CCDC33: variants seen among roughly 807,000 people sequenced by gnomAD.
CCDC33 encodes the protein coiled-coil domain containing 33, also known as coiled-coil domain-containing protein 33.
A neutral mutation model predicts 91.9 loss-of-function variants in CCDC33; 94 were observed. The observed-to-expected ratio is 1.02, with a 90% CI of 0.87 to 1.21. The LOEUF is 1.21. CCDC33 is among the 50% of genes most tolerant of loss of function. The pLI is 0.00. For synonymous variants in CCDC33, 396 were observed against 374.5 expected (o/e 1.06, Z -0.66); for missense variants, 940 against 935.5 (o/e 1.00, Z -0.06).
intron 13 of CCDC33, 112 bp downstream of exon 13, chr15:74,330,863 G>C: frequency 6.6e-7 from 1 of 1,511,046 alleles, no homozygotes; most frequent in South Asian, 1.2e-5. Flanking sequence ...TGGAAGCACG[G>C]AAGAAAGGGG....
chr15:74,313,482 G>C (rs192306441), intron 11 of CCDC33, among the ~76,000 whole-genome samples: 1 of 137,990 alleles, frequency 7.2e-6, no homozygotes, highest in East Asian at 2.2e-4. Context: ...ACAGTGGCGC[G>C]ATCTCAGCTC....
chr15:74,211,549 C>T (rs1032391400), intron 2 of CCDC33, among the ~76,000 whole-genome samples: 9 of 152,070 alleles, frequency 5.9e-5, no homozygotes, highest in Non-Finnish European at 1.5e-5. Context: ...TACAGGCATG[C>T]ACCACCATGC....
chr15:74,219,062 G>A (rs187171826), intron 2 of CCDC33, among the ~76,000 whole-genome samples: 3 of 152,340 alleles, frequency 2.0e-5, no homozygotes, highest in Non-Finnish European at 4.4e-5. Flanking sequence ...GACAGAAAAT[G>A]GGGCAAAGGC....
At chr15:74,332,545 T>G in intron 15 of CCDC33, 134 bp from the exon 16 acceptor site, 2 of 857,280 alleles carry the variant, frequency 2.3e-6, no homozygotes, top group Non-Finnish European at 3.7e-6. Context: ...ATCCCACTGG[T>G]GGTAGGGAGC....
At chr15:74,284,291 A>G (rs1479141766) in intron 10 of CCDC33, among the ~76,000 whole-genome samples, 1 of 152,236 alleles carries the variant, frequency 6.6e-6, no homozygotes, top group Non-Finnish European at 1.5e-5. Context: ...GTTGGCAGCC[A>G]TGGACCTCAT....
intron 11 of CCDC33, among the ~76,000 whole-genome samples, chr15:74,308,144 G>A (rs2059925376): frequency 6.6e-6 from 1 of 152,096 alleles, no homozygotes; most frequent in Non-Finnish European, 1.5e-5. Flanking sequence ...CCCCGAAGAG[G>A]GCCAAAGCAG....
In CCDC33 at chr15:74,295,831, G is replaced by A. The variant is rs1192693688; in HGVS notation, c.1173G>A (p.Leu391=). ...TLDPKILDKK[L]RTIQESWSKD... ...ACCCCAAGATCCTGGATAAGAAGCT[G>A]AGAACCATCCAAGAGTCCTGGTCCA... The change falls in exon 11 of 19, where the codon CTG becomes CTA. Residue 391 remains leucine, a synonymous_variant. Transcript: ENST00000398814. 3.7e-6 allele frequency: 6 copies of A among 1,614,170 alleles called. No homozygotes were observed. In the South Asian group the frequency reaches 5.5e-5, roughly 15 times the overall value.
chr15:74,229,262 G>A (rs1038460608), intron 2 of CCDC33, among the ~76,000 whole-genome samples: 16 of 152,188 alleles, frequency 1.1e-4, no homozygotes, highest in Admixed American at 6.5e-5. Flanking sequence ...GGAGACCGAG[G>A]CAGGCAGAAC....
chr15:74,235,924 A>C (rs959888562), upstream of CCDC33, among the ~76,000 whole-genome samples: 6 of 152,202 alleles, frequency 3.9e-5, no homozygotes, highest in African/African-American at 1.4e-4. Context: ...CCACCCTCCA[A>C]GAAGAAACCA....
upstream of CCDC33, among the ~76,000 whole-genome samples, chr15:74,215,151 G>T (rs965257611): frequency 2.0e-5 from 3 of 152,198 alleles, no homozygotes; most frequent in African/African-American, 7.2e-5. Context: ...CTGCTGTCGG[G>T]TGGAGCTGGG....
intron 2 of CCDC33, 25 bp from the exon 3 acceptor site, chr15:74,262,415 C>G: frequency 6.2e-7 from 1 of 1,612,974 alleles, no homozygotes; most frequent in Non-Finnish European, 8.5e-7. Flanking sequence ...CTCCCTTTGA[C>G]TCACCCTGCC....
intron 10 of CCDC33, among the ~76,000 whole-genome samples, chr15:74,289,827 T>A (rs146465351): frequency 1.3e-5 from 2 of 152,262 alleles, no homozygotes; most frequent in East Asian, 3.9e-4. Context: ...CAGAACCTAG[T>A]GTTGCCTTGA....
chr15:74,206,187 A>T (rs2074257626), intron 1 of CCDC33, among the ~76,000 whole-genome samples: 1 of 152,136 alleles, frequency 6.6e-6, no homozygotes, highest in Non-Finnish European at 1.5e-5. Context: ...GTGACTTCCT[A>T]GGTGCCCCCA....
chr15:74,273,236 G>C (rs974829520), intron 7 of CCDC33, among the ~76,000 whole-genome samples: 4 of 152,204 alleles, frequency 2.6e-5, no homozygotes, highest in African/African-American at 9.6e-5. Flanking sequence ...CCTAGAATAG[G>C]AAAATTCAGA....
chr15:74,275,872 T>A (rs570995844), intron 7 of CCDC33, among the ~76,000 whole-genome samples: 2 of 152,316 alleles, frequency 1.3e-5, no homozygotes, highest in Admixed American at 1.3e-4. Flanking sequence ...TTCAACCATG[T>A]TAACCAGGCT....
chr15:74,243,625 G>A (rs976929347), intron 1 of CCDC33: 10 of 457,206 alleles, frequency 2.2e-5, no homozygotes, highest in South Asian at 1.6e-4. Context: ...AGTGGCTAGT[G>A]CTAGAGGGTG....
intron 1 of CCDC33, chr15:74,207,961 A>C (rs1595870260): frequency 1.4e-6 from 2 of 1,428,466 alleles, no homozygotes; most frequent in Non-Finnish European, 9.2e-7. Context: ...TCTACCTCCT[A>C]CCTCCCCTGC....
intron 11 of CCDC33, among the ~76,000 whole-genome samples, chr15:74,320,126 G>A (rs1174057479): frequency 6.6e-6 from 1 of 152,120 alleles, no homozygotes. Context: ...GAGACCTGGG[G>A]TGAGCAGGGC....
At chr15:74,281,928 T>C in intron 10 of CCDC33, 79 bp downstream of exon 10, 1 of 1,307,790 alleles carries the variant, frequency 7.6e-7, no homozygotes, top group Non-Finnish European at 1.1e-6. Context: ...AATTGCTGGC[T>C]TTGTTCAGGG....
Sources: allele counts gnomAD v4.1 joint callset (sites outside exome capture counted in the v4.1 genomes callset), GRCh38; gene constraint gnomAD v4.1.1; transcripts MANE v1.5; gene names NCBI Gene and HGNC (gene_info 2026-07-23, HGNC 2026-07-21).